MSL2: variants seen among roughly 807,000 people sequenced by gnomAD.
MSL2 encodes MSL complex subunit 2.
In MSL2, 2 loss-of-function variants were observed where a neutral mutation model predicts 35.8. That is an observed-to-expected ratio of 0.06 (90% CI 0.02 to 0.18). The LOEUF is 0.18. Ranked by LOEUF, MSL2 falls within the 10% of genes least tolerant of loss-of-function variation. MSL2 has a pLI of 1.00. For missense variants in MSL2, 523 were observed against 706.7 expected, an observed-to-expected ratio of 0.74 and a Z score of 2.95; for synonymous variants, 296 against 255.7, an observed-to-expected ratio of 1.16 and a Z score of -1.50.
At chr3:136,152,768 T>C in intron 1 of MSL2, 30 bp from the exon 2 acceptor site, 1 of 1,591,648 alleles carries the variant, frequency 6.3e-7, no homozygotes, top group Non-Finnish European at 8.5e-7. Flanking sequence ...AAGCAAAGAT[T>C]TTAGTAAAAT....
intron 1 of MSL2, among the ~76,000 whole-genome samples, chr3:136,186,710 C>A (rs1215748224): frequency 6.6e-6 from 1 of 152,260 alleles, no homozygotes; most frequent in African/African-American, 2.4e-5. Flanking sequence ...ACGCTCAGGG[C>A]TCCCACTAAT....
chr3:136,182,643 G>A (rs1024928358), intron 1 of MSL2, among the ~76,000 whole-genome samples: 1 of 151,698 alleles, frequency 6.6e-6, no homozygotes, highest in African/African-American at 2.4e-5. Flanking sequence ...ACAGAGATGA[G>A]AGAGCTGCAC....
chr3:136,154,833 A>C (rs1650360524), intron 1 of MSL2, among the ~76,000 whole-genome samples: 1 of 152,132 alleles, frequency 6.6e-6, no homozygotes, highest in Non-Finnish European at 1.5e-5. Context: ...AGAGGTGGAC[A>C]CTCATTTAAG....
At chr3:136,177,686 A>C (rs1299750610) in intron 1 of MSL2, among the ~76,000 whole-genome samples, 3 of 150,816 alleles carry the variant, frequency 2.0e-5, no homozygotes, top group South Asian at 4.2e-4. Context: ...CTCATAAAAA[A>C]AAAAAAAAAA....
intron 1 of MSL2, among the ~76,000 whole-genome samples, chr3:136,189,307 TAA>T (rs776699005): frequency 7.0e-5 from 8 of 113,566 alleles, no homozygotes; most frequent in Admixed American, 3.7e-4. Context: ...TCGAGAAAAT[TAA>T]AAAAAAAAAA....
chr3:136,158,561 G>T (rs1939601608), intron 1 of MSL2, among the ~76,000 whole-genome samples: 1 of 152,020 alleles, frequency 6.6e-6, no homozygotes, highest in Non-Finnish European at 1.5e-5. Flanking sequence ...ACAAGGAAAG[G>T]ATGCCTGCTG....
intron 1 of MSL2, among the ~76,000 whole-genome samples, chr3:136,180,748 GGGAAGGAGGGAA>G (rs1940317082): frequency 1.1e-5 from 1 of 95,184 alleles, no homozygotes; most frequent in Non-Finnish European, 2.1e-5. Context: ...GAGGAGAGGA[GGGAAGGAGGGAA>G]GGAGGGAGGG....
intron 1 of MSL2, among the ~76,000 whole-genome samples, chr3:136,182,351 A>C (rs186329830): frequency 6.6e-6 from 1 of 152,360 alleles, no homozygotes; most frequent in African/African-American, 2.4e-5. Flanking sequence ...AAATTGGAAT[A>C]ATCAGATTTA....
chr3:136,195,779 G>T lies in MSL2; in HGVS notation c.-666C>A. ...CTCTCCGCCCCGTGGGTTGCAGCCCGCAGTTCCCCGAGGTGGCGAGGCGGG... is the reference window on the plus strand; with the variant it reads ...CTCTCCGCCCCGTGGGTTGCAGCCCTCAGTTCCCCGAGGTGGCGAGGCGGG... On this transcript the variant is annotated 5_prime_UTR_variant, in exon 1 of 2. Transcript: ENST00000309993. 1 of 985,032 alleles carries T rather than the reference G, an allele frequency of 1.0e-6. No individual in the cohort carries two copies. Among genetic ancestry groups the T allele is most frequent in the Non-Finnish European group, 1.2e-6 (1 of 829,846 alleles). The allele number at this position is 985,032 out of a possible 1,614,324, so 61.0% of individuals were successfully genotyped here.
At chr3:136,162,101 G>A (rs981010305) in intron 1 of MSL2, among the ~76,000 whole-genome samples, 6 of 151,602 alleles carry the variant, frequency 4.0e-5, no homozygotes, top group African/African-American at 9.7e-5. Flanking sequence ...ACCACGCCTG[G>A]TTAATTTTTT....
At chr3:136,155,799 G>C in intron 1 of MSL2, 2 of 571,534 alleles carry the variant, frequency 3.5e-6, no homozygotes, top group Non-Finnish European at 7.0e-6. Flanking sequence ...TCTGTGCCCC[G>C]TGACACCCGG....
chr3:136,194,564 C>G, intron 1 of MSL2: 1 of 497,860 alleles, frequency 2.0e-6, no homozygotes, highest in Non-Finnish European at 2.6e-6. Flanking sequence ...TGGGGAAATG[C>G]AAACACGCCA....
intron 1 of MSL2, among the ~76,000 whole-genome samples, chr3:136,185,957 A>G (rs1280844406): frequency 1.3e-5 from 2 of 150,700 alleles, no homozygotes; most frequent in Non-Finnish European, 3.0e-5. Flanking sequence ...ATGGAAGCCA[A>G]AAAAAAAAAT....
In MSL2 at chr3:136,195,638, G is replaced by A; in HGVS notation, c.-525C>T. ...CGACGGCAAGGACGACGGTCGGGCA[G>A]CGGCTTCCCGGATCTAGTGCAAGAC... On this transcript the variant is annotated 5_prime_UTR_variant, in exon 1 of 2. Transcript: ENST00000309993. 2.0e-6 allele frequency: 2 copies of A among 980,348 alleles called. No individual in the cohort carries two copies. The highest frequency in any genetic ancestry group is 2.4e-6 in the Non-Finnish European group (2 of 825,130). The allele number at this position is 980,348 out of a possible 1,614,324, so 60.7% of individuals were successfully genotyped here. A position where few individuals can be genotyped will look rare whatever the true frequency, so the allele number is the denominator to read the frequency against.
intron 1 of MSL2, among the ~76,000 whole-genome samples, chr3:136,164,770 T>C (rs952291099): frequency 1.3e-5 from 2 of 152,214 alleles, no homozygotes; most frequent in African/African-American, 4.8e-5. Context: ...TAGATTCTCC[T>C]ATAAAAACTG....
In MSL2 at chr3:136,151,124, G is replaced by A; in HGVS notation, c.*23C>T. On this transcript the variant is annotated 3_prime_UTR_variant, in exon 2 of 2. Coordinates refer to ENST00000309993, the MANE Select transcript of MSL2 (RefSeq NM_018133.4). The surrounding 1 kb of genome is among the most constrained non-coding windows in gnomAD (Gnocchi z 5.2). ...AACTGTAGCTATTTCCCTACCAGGA[G>A]TAGGTTTAAAAGACCCACTGATTTA... 6.3e-7 allele frequency: 1 copy of A among 1,598,970 alleles called. No homozygotes were observed. Among genetic ancestry groups the A allele is most frequent in the East Asian group, 2.2e-5 (1 of 44,516 alleles).
At chr3:136,194,414 G>A in intron 1 of MSL2, 3 of 985,248 alleles carry the variant, frequency 3.0e-6, no homozygotes, top group Non-Finnish European at 3.6e-6. Context: ...AGCACTTCGA[G>A]TACCAACAGC....
intron 1 of MSL2, among the ~76,000 whole-genome samples, chr3:136,161,795 A>T (rs978791068): frequency 1.3e-5 from 2 of 152,172 alleles, no homozygotes; most frequent in South Asian, 2.1e-4. Flanking sequence ...TCTAAAATTT[A>T]AAAATAACAC....
At chr3:136,173,595 T>G (rs1239482963) in intron 1 of MSL2, among the ~76,000 whole-genome samples, 1 of 152,176 alleles carries the variant, frequency 6.6e-6, no homozygotes, top group Non-Finnish European at 1.5e-5. Flanking sequence ...TTTATTTGCA[T>G]GACTACTACT....
Sources: allele counts gnomAD v4.1 joint callset (sites outside exome capture counted in the v4.1 genomes callset), GRCh38; gene constraint gnomAD v4.1.1; non-coding constraint Gnocchi (gnomAD v3.1); transcripts MANE v1.5; gene names NCBI Gene and HGNC (gene_info 2026-07-23, HGNC 2026-07-21).